The following DLG2 variants were observed in gnomAD, a reference collection of about 807,000 sequenced individuals.
The protein encoded by DLG2 is discs large MAGUK scaffold protein 2, also known as disks large homolog 2.
DLG2 carries 45 observed loss-of-function variants against 132.5 expected under a neutral mutation model. The observed-to-expected ratio is 0.34, with a 90% confidence interval of 0.27 to 0.44. The LOEUF is 0.44. DLG2 is among the 20% of genes least tolerant of loss of function. The probability of loss-of-function intolerance (pLI) is 1.00; values close to 1 mark genes in which losing one functional copy is unlikely to be tolerated. For missense variants in DLG2, 1,045 were observed against 1,196.9 expected, an observed-to-expected ratio of 0.87 and a Z score of 1.87; for synonymous variants, 424 against 419.6, an observed-to-expected ratio of 1.01 and a Z score of -0.13.
intron 6 of DLG2, among the ~76,000 whole-genome samples, chr11:84,916,348 CAAAAAAAAA>C (rs11423369): frequency 5.2e-3 from 145 of 27,948 alleles, no homozygotes; most frequent in Middle Eastern, 0.042. Context: ...GACTCCGTCT[CAAAAAAAAA>C]AAAAAAAAAA....
chr11:85,350,590 G>A (rs2083210625), intron 3 of DLG2, among the ~76,000 whole-genome samples: 1 of 152,154 alleles, frequency 6.6e-6, no homozygotes, highest in African/African-American at 2.4e-5. Context: ...TTTGTACAAG[G>A]TATAAGGAAG....
chr11:84,819,570 T>G (rs1598849421), intron 6 of DLG2, among the ~76,000 whole-genome samples: 1 of 151,472 alleles, frequency 6.6e-6, no homozygotes, highest in East Asian at 2.0e-4. Context: ...AAAAAAAAAA[T>G]CACTCTACAA....
chr11:84,144,860 T>C (rs191891329), intron 9 of DLG2, among the ~76,000 whole-genome samples: 10 of 152,334 alleles, frequency 6.6e-5, no homozygotes, highest in African/African-American at 2.4e-4. Flanking sequence ...TACAGAAATA[T>C]AGAGCCAAAG....
At chr11:84,146,878 C>T (rs1348376701) in intron 9 of DLG2, among the ~76,000 whole-genome samples, 1 of 151,990 alleles carries the variant, frequency 6.6e-6, no homozygotes, top group African/African-American at 2.4e-5. Flanking sequence ...TCTCTTTCTC[C>T]TTCTTTCCCT....
At chr11:84,003,013 G>A (rs1323939039) in intron 11 of DLG2, among the ~76,000 whole-genome samples, 1 of 152,128 alleles carries the variant, frequency 6.6e-6, no homozygotes, top group Non-Finnish European at 1.5e-5. Context: ...TGAACACTTT[G>A]CTGCTTAGAA....
intron 3 of DLG2, among the ~76,000 whole-genome samples, chr11:85,391,170 T>C (rs1258528077): frequency 6.6e-6 from 1 of 151,974 alleles, no homozygotes; most frequent in Non-Finnish European, 1.5e-5. Context: ...TTTACATGCA[T>C]AAACTAGAAA....
chr11:84,916,536 T>C (rs2092481645), intron 6 of DLG2, among the ~76,000 whole-genome samples: 1 of 152,022 alleles, frequency 6.6e-6, no homozygotes, highest in Admixed American at 6.6e-5. Flanking sequence ...ATATACAGAA[T>C]TGAACAACTT....
chr11:84,588,899 A>G (rs908551092), intron 6 of DLG2, among the ~76,000 whole-genome samples: 2 of 151,732 alleles, frequency 1.3e-5, no homozygotes, highest in Admixed American at 6.6e-5. Context: ...ACTTTACTCT[A>G]TGGACTCGCC....
At chr11:83,590,797 G>A (rs2097175012) in intron 19 of DLG2, among the ~76,000 whole-genome samples, 3 of 151,998 alleles carry the variant, frequency 2.0e-5, no homozygotes, top group Admixed American at 2.0e-4. Flanking sequence ...AATAAAAAAT[G>A]ATAAAGGGGA....
At chr11:85,078,528 C>A (rs1294010564) in intron 6 of DLG2, among the ~76,000 whole-genome samples, 1 of 151,836 alleles carries the variant, frequency 6.6e-6, no homozygotes, top group East Asian at 1.9e-4. Flanking sequence ...GTGTAGGCAA[C>A]AATAAAGACT....
chr11:84,046,462 T>C (rs1460391055), intron 11 of DLG2, among the ~76,000 whole-genome samples: 1 of 151,558 alleles, frequency 6.6e-6, no homozygotes, highest in East Asian at 1.9e-4. Context: ...TACTAAAAAC[T>C]CAATGACTAT....
chr11:83,825,038 TTTG>T (rs1412128577), intron 17 of DLG2, among the ~76,000 whole-genome samples: 2 of 151,180 alleles, frequency 1.3e-5, no homozygotes, highest in South Asian at 2.1e-4. Flanking sequence ...TGTTTTTCTT[TTTG>T]TTGTTGTTGT....
chr11:85,424,307 T>A (rs115905207), intron 3 of DLG2, among the ~76,000 whole-genome samples: 1,818 of 152,240 alleles, frequency 0.012, 34 homozygotes, highest in African/African-American at 0.042. Flanking sequence ...TTTCGGGGGA[T>A]CTGTGGGTTC....
At chr11:84,186,687 T>G (rs953206783) in intron 8 of DLG2, among the ~76,000 whole-genome samples, 1 of 151,982 alleles carries the variant, frequency 6.6e-6, no homozygotes, top group Non-Finnish European at 1.5e-5. Flanking sequence ...CTATCTAGAT[T>G]GCCAGTTCGA....
chr11:84,611,175 A>C (rs1277545986), intron 6 of DLG2, among the ~76,000 whole-genome samples: 1 of 152,180 alleles, frequency 6.6e-6, no homozygotes, highest in African/African-American at 2.4e-5. Context: ...TTTGAGGCCA[A>C]GGACCATGTG....
rs544426316 is a variant in DLG2 at position 84,914,428 on chromosome 11, A to G, written c.357+197233T>C. ...TTATTATCATATTCACTGCATTAAT[A>G]CTAAGTGCAGATATTAGCAAATAGA... On this transcript the variant is annotated intron_variant, in intron 6 of 27. Transcript: ENST00000376104. Among the ~76,000 whole-genome samples the G allele has an allele frequency of 4.8e-4, 73 of 152,368 alleles. 1 individual carries two copies. The South Asian group carries it at 0.013, about 28-fold the overall frequency.
At chr11:84,414,997 G>A (rs1404986323) in intron 7 of DLG2, among the ~76,000 whole-genome samples, 1 of 152,166 alleles carries the variant, frequency 6.6e-6, no homozygotes, top group African/African-American at 2.4e-5. Context: ...ATAAAAATGT[G>A]AAGGTCGTTC....
intron 6 of DLG2, among the ~76,000 whole-genome samples, chr11:84,905,016 T>G (rs371499778): frequency 6.6e-6 from 1 of 152,118 alleles, no homozygotes; most frequent in Non-Finnish European, 1.5e-5. Flanking sequence ...GCTTGGATTA[T>G]AGGCGTGCAC....
intron 6 of DLG2, among the ~76,000 whole-genome samples, chr11:84,559,627 C>T (rs1247953867): frequency 6.6e-6 from 1 of 152,036 alleles, no homozygotes; most frequent in Non-Finnish European, 1.5e-5. Context: ...GAATTGTAAT[C>T]CCTTCTAATT....
Sources: gnomAD v4.1 joint callset for allele counts (sites outside exome capture counted in the v4.1 genomes callset) on GRCh38, gnomAD v4.1.1 for gene constraint, MANE v1.5 for transcripts, NCBI Gene and HGNC (gene_info 2026-07-23, HGNC 2026-07-21) for gene names.